Variants in ZBTB38 observed in about 807,000 individuals in gnomAD.
The protein encoded by ZBTB38 is zinc finger and BTB domain-containing protein 38.
Under a neutral mutation model 76.8 loss-of-function variants are expected in ZBTB38, and 20 were observed. The ratio of observed to expected loss-of-function variants is 0.26; its 90% CI spans 0.18 to 0.38. ZBTB38 has a LOEUF of 0.38. ZBTB38 is among the 10% of genes least tolerant of loss of function. ZBTB38 has a pLI of 1.00. For synonymous variants in ZBTB38, 504 were observed against 544.2 expected, an observed-to-expected ratio of 0.93 and a Z score of 1.03; for missense variants, 1,082 against 1,482.3, an observed-to-expected ratio of 0.73 and a Z score of 4.43.
chr3:141,430,200 G>C (rs1311030956), intron 5 of ZBTB38, among the ~76,000 whole-genome samples: 1 of 152,098 alleles, frequency 6.6e-6, no homozygotes, highest in East Asian at 1.9e-4. Flanking sequence ...CGAGTAGCTG[G>C]GATTACAGGC....
At chr3:141,349,960 A>G (rs557331666) in intron 1 of ZBTB38, among the ~76,000 whole-genome samples, 2 of 152,328 alleles carry the variant, frequency 1.3e-5, no homozygotes, top group Admixed American at 1.3e-4. Flanking sequence ...AAATATCTCT[A>G]TATATTTTTA....
chr3:141,338,384 T>A (rs1179923974), intron 1 of ZBTB38, among the ~76,000 whole-genome samples: 2 of 152,116 alleles, frequency 1.3e-5, no homozygotes, highest in African/African-American at 2.4e-5. Context: ...AGCAAAGACA[T>A]GAATCAACCT....
chr3:141,373,806 G>A (rs1944966101), intron 2 of ZBTB38, among the ~76,000 whole-genome samples: 1 of 152,130 alleles, frequency 6.6e-6, no homozygotes, highest in Non-Finnish European at 1.5e-5. Flanking sequence ...AAATGATATG[G>A]GCAACTTAGA....
chr3:141,416,520 GCGTGGAGT>G (rs2074088196), intron 5 of ZBTB38, among the ~76,000 whole-genome samples: 1 of 152,124 alleles, frequency 6.6e-6, no homozygotes, highest in African/African-American at 2.4e-5. Context: ...AGGAAGCTTA[GCGTGGAGT>G]TCTGGATCCC....
chr3:141,400,193 A>G (rs1348053362), intron 4 of ZBTB38, among the ~76,000 whole-genome samples: 1 of 152,170 alleles, frequency 6.6e-6, no homozygotes, highest in South Asian at 2.1e-4. Flanking sequence ...GTGACTGGTT[A>G]TGAGGAAGGA....
upstream of ZBTB38, among the ~76,000 whole-genome samples, chr3:141,365,391 G>A (rs897857904): frequency 1.3e-5 from 2 of 152,084 alleles, no homozygotes; most frequent in African/African-American, 4.8e-5. Context: ...CGGACTCTCT[G>A]CCAAGTCCCA....
At chr3:141,432,288 T>G in intron 5 of ZBTB38, 1 of 984,968 alleles carries the variant, frequency 1.0e-6, no homozygotes, top group Non-Finnish European at 1.2e-6. Flanking sequence ...TTAGGTTTTA[T>G]TTCTACGTTT....
chr3:141,404,384 G>A (rs910196747), intron 5 of ZBTB38, among the ~76,000 whole-genome samples: 4 of 152,196 alleles, frequency 2.6e-5, no homozygotes, highest in African/African-American at 4.8e-5. Context: ...GGGTTACCCA[G>A]TGGGTTGGGG....
chr3:141,334,005 A>T (rs1942932857), intron 1 of ZBTB38, among the ~76,000 whole-genome samples: 1 of 152,294 alleles, frequency 6.6e-6, no homozygotes, highest in Admixed American at 6.5e-5. Context: ...TAAAGTCAGC[A>T]CACACAGGGA....
At chr3:141,340,693 C>G (rs1210110181) in intron 1 of ZBTB38, among the ~76,000 whole-genome samples, 1 of 151,842 alleles carries the variant, frequency 6.6e-6, no homozygotes. Flanking sequence ...GTCAGCAGAT[C>G]AAGACCATCC....
At chr3:141,334,456 C>CCTTCCTTCCTTCCTTCTTTCCTTT (rs1942955696) in intron 1 of ZBTB38, among the ~76,000 whole-genome samples, 32 of 93,934 alleles carry the variant, frequency 3.4e-4, no homozygotes, top group African/African-American at 1.6e-3. Context: ...TTCCTTTCTT[C>CCTTCCTTCCTTCCTTCTTTCCTTT]CTTCCTTCCT....
intron 3 of ZBTB38, among the ~76,000 whole-genome samples, chr3:141,384,436 A>G (rs1301074786): frequency 6.6e-6 from 1 of 152,254 alleles, no homozygotes; most frequent in Non-Finnish European, 1.5e-5. Context: ...ATGTATATTT[A>G]GCCTACATGA....
chr3:141,423,953 G>A (rs2075913232), intron 5 of ZBTB38, among the ~76,000 whole-genome samples: 1 of 152,164 alleles, frequency 6.6e-6, no homozygotes, highest in Non-Finnish European at 1.5e-5. Flanking sequence ...TAAACAGATC[G>A]GAGAGGTAAT....
intron 4 of ZBTB38, chr3:141,388,619 C>T (rs186445238): frequency 6.6e-6 from 1 of 152,202 alleles, no homozygotes; most frequent in Non-Finnish European, 1.5e-5. Flanking sequence ...GGGCCAGAAC[C>T]TGTTTCCTTG....
chr3:141,347,718 A>G (rs1287490739), intron 1 of ZBTB38, among the ~76,000 whole-genome samples: 5 of 152,270 alleles, frequency 3.3e-5, no homozygotes, highest in Admixed American at 1.3e-4. Flanking sequence ...TGCGTCTGAC[A>G]GTAGCAGAGG....
At chr3:141,382,602 C>T (rs1946355936) in intron 3 of ZBTB38, among the ~76,000 whole-genome samples, 1 of 152,128 alleles carries the variant, frequency 6.6e-6, no homozygotes, top group African/African-American at 2.4e-5. Context: ...TATTTTGCCT[C>T]ATAAAATATT....
chr3:141,370,383 C>A (rs1041160057), intron 2 of ZBTB38, among the ~76,000 whole-genome samples: 1 of 152,188 alleles, frequency 6.6e-6, no homozygotes, highest in African/African-American at 2.4e-5. Flanking sequence ...ATTCCATTGG[C>A]TAAAACTCCA....
chr3:141,364,332 T>C (rs1943897549), upstream of ZBTB38, among the ~76,000 whole-genome samples: 1 of 151,500 alleles, frequency 6.6e-6, no homozygotes, highest in South Asian at 2.1e-4. Context: ...AAAATATATC[T>C]GATAAGGGAC....
At position 141,385,707 on chromosome 3, in the gene ZBTB38, AG is replaced by A. The variant is rs1275694023; in HGVS notation, c.-171-1160del. ...GCGTGTGTTGATAGGAAGGAATGAA[AG>A]GGGGTGCATAAGAATTCTTGAATGT... On this transcript the variant is annotated intron_variant, in intron 3 of 5. Transcript: ENST00000321464. 2.6e-5 allele frequency among the ~76,000 whole-genome samples: 4 copies of A among 151,520 alleles called. No homozygotes were observed. In the East Asian group the frequency reaches 5.8e-4, roughly 22 times the overall value.
Sources: allele counts gnomAD v4.1 joint callset (sites outside exome capture counted in the v4.1 genomes callset), GRCh38; gene constraint gnomAD v4.1.1; transcripts MANE v1.5; gene names NCBI Gene and HGNC (gene_info 2026-07-23, HGNC 2026-07-21).